The following SUB1 variants were observed in gnomAD, a reference collection of about 807,000 sequenced individuals.
SUB1 encodes the protein SUB1 regulator of transcription.
SUB1 carries 1 observed loss-of-function variant against 16.9 expected under a neutral mutation model. That is an observed-to-expected ratio of 0.06 (90% CI 0.02 to 0.28). The LOEUF (loss-of-function observed/expected upper bound fraction) is 0.28, where lower values mean the gene tolerates loss of function less well. Ranked by LOEUF, SUB1 falls within the 10% of genes least tolerant of loss-of-function variation. The pLI is 1.00. For synonymous variants in SUB1, 51 were observed against 46.9 expected, an observed-to-expected ratio of 1.09 and a Z score of -0.36; for missense variants, 84 against 145.2, an observed-to-expected ratio of 0.58 and a Z score of 2.16.
chr5:32,592,894 G>A (rs1738865712), intron 3 of SUB1, among the ~76,000 whole-genome samples: 2 of 152,192 alleles, frequency 1.3e-5, no homozygotes, highest in African/African-American at 4.8e-5. Context: ...AAAAGAGGAT[G>A]TAGGTTAAGA....
chr5:32,593,717 G>A (rs1198695720), intron 3 of SUB1, among the ~76,000 whole-genome samples: 6 of 150,402 alleles, frequency 4.0e-5, no homozygotes, highest in Admixed American at 6.6e-5. Context: ...TTTTTGAGAC[G>A]GAGTCTCGCT....
intron 3 of SUB1, among the ~76,000 whole-genome samples, chr5:32,593,767 C>T (rs998578489): frequency 1.3e-5 from 2 of 151,930 alleles, no homozygotes; most frequent in Non-Finnish European, 2.9e-5. Flanking sequence ...AATCTCGGCT[C>T]ACTGCAACCT....
intron 3 of SUB1, among the ~76,000 whole-genome samples, chr5:32,592,419 C>G (rs1738851601): frequency 6.6e-6 from 1 of 152,156 alleles, no homozygotes; most frequent in African/African-American, 2.4e-5. Flanking sequence ...ATGAAATCAC[C>G]TAGAGAGGAC....
chr5:32,591,363 C>G, intron 2 of SUB1, 200 bp from the exon 3 acceptor site: 1 of 607,486 alleles, frequency 1.6e-6, no homozygotes, highest in Non-Finnish European at 2.4e-6. Flanking sequence ...ATCCTGAGAA[C>G]AGAGTTTGAA....
Position 32,601,548 on chromosome 5 carries a change from A to T in SUB1, c.*464A>T. The T allele has an allele frequency of 6.6e-6, 1 of 152,274 alleles. No homozygotes were observed. Among genetic ancestry groups the T allele is most frequent in the East Asian group, 1.9e-4 (1 of 5,160 alleles). The allele number at this position is 152,274 out of a possible 1,614,324, so 9.4% of individuals were successfully genotyped here. A position where few individuals can be genotyped will look rare whatever the true frequency, so the allele number is the denominator to read the frequency against. ...TGACTTCCACCCCCAATGGTTTTTC[A>T]CTCTTTTTATTTACTTCATTTTCCT... On this transcript the variant is annotated 3_prime_UTR_variant, in exon 5 of 5. Transcript: ENST00000265073.
At chr5:32,587,389 C>G (rs771633067) in intron 1 of SUB1, among the ~76,000 whole-genome samples, 1 of 152,102 alleles carries the variant, frequency 6.6e-6, no homozygotes, top group Non-Finnish European at 1.5e-5. Flanking sequence ...TGCAAACTTG[C>G]ACTCAGGCAC....
intron 3 of SUB1, chr5:32,595,775 T>TA (rs1288795752): frequency 6.6e-6 from 1 of 152,364 alleles, no homozygotes; most frequent in Non-Finnish European, 1.5e-5. Context: ...CGGTACTACT[T>TA]AGGAGATTCC....
intron 2 of SUB1, among the ~76,000 whole-genome samples, chr5:32,590,254 T>G (rs1010737395): frequency 2.6e-5 from 4 of 152,142 alleles, no homozygotes; most frequent in African/African-American, 9.7e-5. Flanking sequence ...TATATAATAT[T>G]TTTCCTAGCT....
intron 3 of SUB1, among the ~76,000 whole-genome samples, chr5:32,593,052 A>T (rs1040412105): frequency 5.1e-4 from 77 of 152,158 alleles, no homozygotes; most frequent in African/African-American, 1.8e-3. Flanking sequence ...CTGCTCTGTC[A>T]CCCAGGCTGG....
In SUB1 at chr5:32,603,887, C is replaced by CA. The variant is rs1463756635; in HGVS notation, c.*2807dup. 7.1e-6 allele frequency: 1 copy of CA among 140,384 alleles called. No individual in the cohort carries two copies. The highest frequency in any genetic ancestry group is 1.6e-5 in the Non-Finnish European group (1 of 61,544). 8.7% of individuals were successfully genotyped at this position (140,384 alleles called of 1,614,324 possible). On this transcript the variant is annotated 3_prime_UTR_variant, in exon 5 of 5. Coordinates refer to ENST00000265073, the MANE Select transcript of SUB1 (RefSeq NM_006713.4). ...ATGGCAGTTAATCCAGTGAAACACT[C>CA]AAAAGTTTTTTTTTTTTTAAAAGTG...
intron 2 of SUB1, among the ~76,000 whole-genome samples, chr5:32,590,253 T>C (rs1579510785): frequency 6.6e-6 from 1 of 152,160 alleles, no homozygotes; most frequent in Admixed American, 6.5e-5. Context: ...GTATATAATA[T>C]TTTTCCTAGC....
At chr5:32,592,974 A>G (rs772598281) in intron 3 of SUB1, among the ~76,000 whole-genome samples, 4 of 152,168 alleles carry the variant, frequency 2.6e-5, no homozygotes, top group Non-Finnish European at 4.4e-5. Flanking sequence ...TCCAGGAGCT[A>G]TAAGTATTAG....
intron 3 of SUB1, chr5:32,595,597 A>G (rs1309379619): frequency 6.6e-6 from 1 of 152,256 alleles, no homozygotes; most frequent in African/African-American, 2.4e-5. Flanking sequence ...GTCTTGGGCT[A>G]TTAGGAATAC....
intron 2 of SUB1, among the ~76,000 whole-genome samples, chr5:32,590,848 A>G (rs964444493): frequency 7.2e-6 from 1 of 138,518 alleles, no homozygotes; most frequent in African/African-American, 2.8e-5. Flanking sequence ...GCTCACTGCA[A>G]CCTCAGCCTC....
intron 1 of SUB1, chr5:32,586,222 C>G (rs1414030312): frequency 6.6e-6 from 1 of 152,266 alleles, no homozygotes; most frequent in East Asian, 1.9e-4. Flanking sequence ...CGAGCGGCTG[C>G]TAGCCACGGG....
chr5:32,588,373 G>T (rs1422292266), intron 1 of SUB1, 139 bp from the exon 2 acceptor site: 2 of 701,128 alleles, frequency 2.9e-6, no homozygotes, highest in African/African-American at 1.8e-5. Flanking sequence ...CTTGTGCTCA[G>T]TGTAACAACT....
In SUB1 at chr5:32,603,667, A is replaced by G. The variant is rs896691019; in HGVS notation, c.*2583A>G. On this transcript the variant is annotated 3_prime_UTR_variant, in exon 5 of 5. Transcript: ENST00000265073. ...GTGACGATCAAATCTATTCTACATA[A>G]TGCGTTTAGAAACAAAGACTTGGGT... 4 of 152,334 alleles carry G rather than the reference A, an allele frequency of 2.6e-5. No individual in the cohort carries two copies. Among genetic ancestry groups the G allele is most frequent in the Admixed American group, 2.6e-4 (4 of 15,302 alleles). 9.4% of individuals were successfully genotyped at this position (152,334 alleles called of 1,614,324 possible). A position where few individuals can be genotyped will look rare whatever the true frequency, so the allele number is the denominator to read the frequency against.
At chr5:32,597,430 C>T (rs542087853) in intron 3 of SUB1, 5 of 151,662 alleles carry the variant, frequency 3.3e-5, no homozygotes, top group African/African-American at 1.2e-4. Context: ...TTCCACCCCC[C>T]CTCTCCCATT....
chr5:32,591,839 A>G (rs2111663946), intron 3 of SUB1, among the ~76,000 whole-genome samples, 154 bp downstream of exon 3: 2 of 151,902 alleles, frequency 1.3e-5, no homozygotes, highest in Middle Eastern at 6.8e-3. Context: ...AGCTAGGATT[A>G]CAGGCATCCG....
Sources: gnomAD v4.1 joint callset for allele counts (sites outside exome capture counted in the v4.1 genomes callset) on GRCh38, gnomAD v4.1.1 for gene constraint, MANE v1.5 for transcripts, NCBI Gene and HGNC (gene_info 2026-07-23, HGNC 2026-07-21) for gene names.